The following SLC2A13 variants were observed in gnomAD, a reference collection of about 807,000 sequenced individuals.
SLC2A13 encodes proton myo-inositol cotransporter.
A neutral mutation model predicts 64.4 loss-of-function variants in SLC2A13; 32 were observed. The ratio of observed to expected loss-of-function variants is 0.50; its 90% CI spans 0.37 to 0.67. SLC2A13 has a LOEUF of 0.67. Ranked by LOEUF, SLC2A13 falls within the 30% of genes least tolerant of loss-of-function variation. The pLI, the probability that SLC2A13 is intolerant of heterozygous loss-of-function variation, is 0.00. For synonymous variants in SLC2A13, 338 were observed against 327.1 expected (o/e 1.03, Z -0.36); for missense variants, 743 against 829.2 (o/e 0.90, Z 1.28).
At chr12:39,876,702 AC>A (rs1374865162) in intron 4 of SLC2A13, among the ~76,000 whole-genome samples, 2 of 152,208 alleles carry the variant, frequency 1.3e-5, no homozygotes, top group Non-Finnish European at 2.9e-5. Flanking sequence ...GAAAATTTTA[AC>A]TGTTTGACAA....
At chr12:40,089,102 G>C (rs916792164) in intron 1 of SLC2A13, among the ~76,000 whole-genome samples, 4 of 152,140 alleles carry the variant, frequency 2.6e-5, no homozygotes, top group African/African-American at 9.7e-5. Context: ...CATGCAAATG[G>C]CAGAATGAAT....
intron 3 of SLC2A13, among the ~76,000 whole-genome samples, chr12:39,987,135 T>C (rs372607194): frequency 3.9e-5 from 6 of 152,300 alleles, no homozygotes; most frequent in African/African-American, 1.4e-4. Flanking sequence ...CAGTCAATCA[T>C]ATCCAAAGAA....
At chr12:39,918,358 T>A (rs1497051) in intron 4 of SLC2A13, among the ~76,000 whole-genome samples, 148,776 of 150,460 alleles carry the variant, frequency 0.99, 73,591 homozygotes, top group Middle Eastern at 1. Context: ...AGAACAGAAG[T>A]TTCCTTTTTT....
intron 7 of SLC2A13, among the ~76,000 whole-genome samples, chr12:39,794,435 TAAAG>T: frequency 6.6e-6 from 1 of 152,328 alleles, no homozygotes; most frequent in Non-Finnish European, 1.5e-5. Context: ...AAATTCTGCC[TAAAG>T]GTTTCCCCAT....
chr12:39,925,053 T>TTC (rs1491231030), intron 4 of SLC2A13, among the ~76,000 whole-genome samples: 4 of 128,056 alleles, frequency 3.1e-5, no homozygotes, highest in African/African-American at 5.9e-5. Flanking sequence ...TTTTTTTTTT[T>TTC]GAGGAAGAGT....
intron 4 of SLC2A13, among the ~76,000 whole-genome samples, chr12:39,916,962 T>A (rs758930358): frequency 5.9e-5 from 9 of 152,112 alleles, no homozygotes; most frequent in Non-Finnish European, 1.0e-4. Flanking sequence ...CTCCTGAGAC[T>A]ATGAGAATGC....
intron 1 of SLC2A13, among the ~76,000 whole-genome samples, chr12:40,099,010 G>A (rs1216431321): frequency 3.3e-5 from 5 of 152,196 alleles, no homozygotes; most frequent in Admixed American, 2.0e-4. Context: ...GCTGTGAAAC[G>A]ATGCTCCTGC....
At chr12:39,789,385 G>C (rs1941299123) in intron 7 of SLC2A13, among the ~76,000 whole-genome samples, 1 of 152,012 alleles carries the variant, frequency 6.6e-6, no homozygotes, top group Non-Finnish European at 1.5e-5. Context: ...TTTAGCTACA[G>C]TTTATTTTGA....
chr12:39,830,963 G>GA (rs1225312166), intron 6 of SLC2A13, among the ~76,000 whole-genome samples: 1 of 152,142 alleles, frequency 6.6e-6, no homozygotes, highest in African/African-American at 2.4e-5. Context: ...TCTAACTGCA[G>GA]AAAAAATTTA....
At chr12:40,095,465 G>C (rs1223591809) in intron 1 of SLC2A13, among the ~76,000 whole-genome samples, 1 of 152,152 alleles carries the variant, frequency 6.6e-6, no homozygotes, top group African/African-American at 2.4e-5. Context: ...ATACAAGTAG[G>C]TTCTATTCTT....
intron 4 of SLC2A13, chr12:39,907,836 C>G (rs1208320828): frequency 6.6e-6 from 1 of 152,186 alleles, no homozygotes; most frequent in Non-Finnish European, 1.5e-5. Context: ...CTGCTTCATT[C>G]TGAGCGTTCT....
chr12:39,789,087 A>G (rs1229721238), intron 7 of SLC2A13, among the ~76,000 whole-genome samples: 1 of 152,108 alleles, frequency 6.6e-6, no homozygotes, highest in East Asian at 1.9e-4. Flanking sequence ...TCACTGATTT[A>G]CTCACCAATC....
chr12:39,818,392 C>T (rs1942399081), intron 7 of SLC2A13, among the ~76,000 whole-genome samples: 1 of 152,116 alleles, frequency 6.6e-6, no homozygotes, highest in Non-Finnish European at 1.5e-5. Context: ...GCAAAAATGT[C>T]CACTGCTACC....
At chr12:40,078,004 A>G (rs1285976724) in intron 1 of SLC2A13, among the ~76,000 whole-genome samples, 2 of 152,150 alleles carry the variant, frequency 1.3e-5, no homozygotes, top group African/African-American at 4.8e-5. Context: ...TTGATTTTGT[A>G]TCCTAAAACT....
At chr12:39,940,552 AG>A (rs1946002500) in intron 4 of SLC2A13, among the ~76,000 whole-genome samples, 1 of 152,128 alleles carries the variant, frequency 6.6e-6, no homozygotes, top group South Asian at 2.1e-4. Context: ...TAGCTTGTCC[AG>A]GAACTCTAGA....
chr12:39,898,993 C>T (rs2136010050), intron 4 of SLC2A13, among the ~76,000 whole-genome samples: 1 of 152,306 alleles, frequency 6.6e-6, no homozygotes, highest in Middle Eastern at 3.4e-3. Flanking sequence ...ATGCTGGCCT[C>T]ATAAAATGAG....
chr12:39,792,289 C>T (rs1345935442), intron 7 of SLC2A13, among the ~76,000 whole-genome samples: 3 of 149,036 alleles, frequency 2.0e-5, no homozygotes, highest in South Asian at 4.4e-4. Context: ...AAAACCTAGG[C>T]ATTACCATTC....
At chr12:39,773,653 A>G (rs1163136603) in intron 7 of SLC2A13, among the ~76,000 whole-genome samples, 2 of 152,344 alleles carry the variant, frequency 1.3e-5, no homozygotes, top group Non-Finnish European at 2.9e-5. Flanking sequence ...CTTCCTACAC[A>G]GCACATGCTG....
chr12:39,823,171 T>TA lies in SLC2A13; in HGVS notation c.1445+6931dup, dbSNP rs566868547. ...AATGACTTCTATTTAAGCAGTAACATAAAAAAGTATAATTTTAAAAGTCAA... is the reference window on the plus strand; with the variant it reads ...AATGACTTCTATTTAAGCAGTAACATAAAAAAAGTATAATTTTAAAAGTCAA... On this transcript the variant is annotated intron_variant, in intron 7 of 9. Coordinates refer to ENST00000280871, the MANE Select transcript of SLC2A13 (RefSeq NM_052885.4). Among the ~76,000 whole-genome samples the TA allele has an allele frequency of 1.1e-4, 16 of 152,266 alleles. No homozygotes were observed. In the East Asian group the frequency reaches 1.2e-3, roughly 11 times the overall value.
Sources: gnomAD v4.1 joint callset for allele counts (sites outside exome capture counted in the v4.1 genomes callset) on GRCh38, gnomAD v4.1.1 for gene constraint, MANE v1.5 for transcripts, NCBI Gene and HGNC (gene_info 2026-07-23, HGNC 2026-07-21) for gene names.